UBE2E2: variants seen among roughly 807,000 people sequenced by gnomAD.
The protein encoded by UBE2E2 is ubiquitin-conjugating enzyme E2 E2.
A neutral mutation model predicts 24.7 loss-of-function variants in UBE2E2; 6 were observed. The ratio of observed to expected loss-of-function variants is 0.24; its 90% CI spans 0.13 to 0.48. The LOEUF is 0.48. UBE2E2 is among the 20% of genes least tolerant of loss of function. The pLI is 0.99. For missense variants in UBE2E2, 169 were observed against 245.0 expected (o/e 0.69, Z 2.07); for synonymous variants, 104 against 83.6 (o/e 1.24, Z -1.33).
intron 3 of UBE2E2, among the ~76,000 whole-genome samples, chr3:23,271,950 G>A (rs923131855): frequency 1.3e-5 from 2 of 152,224 alleles, no homozygotes; most frequent in Non-Finnish European, 2.9e-5. Context: ...ACCTGACTCA[G>A]GAGCCCAGCT....
chr3:23,348,399 T>C (rs567004588), intron 3 of UBE2E2, among the ~76,000 whole-genome samples: 3 of 151,962 alleles, frequency 2.0e-5, no homozygotes, highest in Admixed American at 6.6e-5. Flanking sequence ...TTGCTAGGGT[T>C]ACCACCTAGA....
At chr3:23,520,521 A>G (rs1373281956) in intron 4 of UBE2E2, among the ~76,000 whole-genome samples, 1 of 152,238 alleles carries the variant, frequency 6.6e-6, no homozygotes, top group South Asian at 2.1e-4. Flanking sequence ...ATACTCTGCT[A>G]CTTTCAAAGA....
At chr3:23,570,773 A>G (rs982855294) in intron 5 of UBE2E2, among the ~76,000 whole-genome samples, 2 of 152,214 alleles carry the variant, frequency 1.3e-5, no homozygotes, top group African/African-American at 2.4e-5. Flanking sequence ...GTTTTTAGTA[A>G]TGTCATGAGC....
intron 3 of UBE2E2, among the ~76,000 whole-genome samples, chr3:23,372,400 A>G (rs1329983915): frequency 6.6e-6 from 1 of 152,216 alleles, no homozygotes; most frequent in Non-Finnish European, 1.5e-5. Flanking sequence ...AACTGTCATG[A>G]GCTGAAATTT....
rs527568798 is a variant in UBE2E2, at chr3:23,406,370, G to A, written c.228-93238G>A. Among the ~76,000 whole-genome samples the A allele has an allele frequency of 2.6e-4, 39 of 152,112 alleles. 1 individual carries two copies. Among genetic ancestry groups the A allele is most frequent in the Non-Finnish European group, 4.7e-4 (32 of 68,006 alleles). ...TTTCACATACTACTTGTATGACCTC[G>A]AACTGATATGTTTAACTCTTTGACC... On this transcript the variant is annotated intron_variant, in intron 3 of 5. Coordinates refer to ENST00000396703, the MANE Select transcript of UBE2E2 (RefSeq NM_152653.4).
intron 3 of UBE2E2, among the ~76,000 whole-genome samples, chr3:23,253,265 A>T (rs1303239186): frequency 6.6e-6 from 1 of 152,256 alleles, no homozygotes; most frequent in Non-Finnish European, 1.5e-5. Context: ...AATACTCCAC[A>T]AAAAGCAAAC....
chr3:23,494,780 A>G (rs1207147572), intron 3 of UBE2E2, among the ~76,000 whole-genome samples: 2 of 151,582 alleles, frequency 1.3e-5, no homozygotes, highest in Non-Finnish European at 2.9e-5. Flanking sequence ...GCTGGAGTGC[A>G]GTGGCGCAGT....
chr3:23,375,598 T>G (rs991500961), intron 3 of UBE2E2, among the ~76,000 whole-genome samples: 4 of 152,216 alleles, frequency 2.6e-5, no homozygotes, highest in African/African-American at 9.6e-5. Context: ...AGGCATACTC[T>G]TGTAGTTGGG....
At chr3:23,499,563 T>G (rs1699675112) in intron 3 of UBE2E2, 45 bp from the exon 4 acceptor site, 2 of 1,578,242 alleles carry the variant, frequency 1.3e-6, no homozygotes, top group African/African-American at 2.7e-5. Context: ...AATTCCAGCC[T>G]TTATGTAATT....
chr3:23,505,929 AACAGTG>A (rs538559141), intron 4 of UBE2E2, among the ~76,000 whole-genome samples: 2 of 152,252 alleles, frequency 1.3e-5, no homozygotes, highest in Non-Finnish European at 2.9e-5. Flanking sequence ...TACGATAAGA[AACAGTG>A]ATATTCAGCA....
intron 3 of UBE2E2, among the ~76,000 whole-genome samples, chr3:23,234,504 A>T (rs921000576): frequency 6.6e-6 from 1 of 152,160 alleles, no homozygotes; most frequent in Admixed American, 6.5e-5. Context: ...TTAATTTAGA[A>T]AATAGAGCCT....
intron 4 of UBE2E2, among the ~76,000 whole-genome samples, chr3:23,511,184 G>A (rs1694585746): frequency 6.6e-6 from 1 of 152,144 alleles, no homozygotes; most frequent in South Asian, 2.1e-4. Flanking sequence ...CCTTTGTATT[G>A]TAGAATACAT....
intron 3 of UBE2E2, among the ~76,000 whole-genome samples, chr3:23,368,782 CA>C (rs944175850): frequency 5.3e-4 from 80 of 152,134 alleles, no homozygotes; most frequent in African/African-American, 1.8e-3. Context: ...ATTTTCACAA[CA>C]AAAAAGTCAT....
At position 23,424,272 on chromosome 3, in the gene UBE2E2, C is replaced by G. The variant is rs148820718; in HGVS notation, c.228-75336C>G. On this transcript the variant is annotated intron_variant, in intron 3 of 5. Coordinates refer to ENST00000396703, the MANE Select transcript of UBE2E2 (RefSeq NM_152653.4). ...CTGCAGTATAATATTAATGAAAATA[C>G]AGCAGAGACTTGCAGTTACCATGTT... Among the ~76,000 whole-genome samples the G allele has an allele frequency of 3.9e-5, 6 of 152,138 alleles. 1 individual carries two copies. The South Asian group carries it at 6.2e-4, about 16-fold the overall frequency.
At chr3:23,289,750 A>C (rs1698710303) in intron 3 of UBE2E2, among the ~76,000 whole-genome samples, 1 of 152,226 alleles carries the variant, frequency 6.6e-6, no homozygotes, top group African/African-American at 2.4e-5. Flanking sequence ...TCAAGTACTT[A>C]GTTGAACTTA....
At chr3:23,451,158 T>G (rs1575638668) in intron 3 of UBE2E2, among the ~76,000 whole-genome samples, 1 of 152,184 alleles carries the variant, frequency 6.6e-6, no homozygotes, top group African/African-American at 2.4e-5. Flanking sequence ...GAGGCTGAGG[T>G]GGGAGGATCC....
intron 3 of UBE2E2, among the ~76,000 whole-genome samples, chr3:23,250,685 T>C (rs1697551030): frequency 6.6e-6 from 1 of 152,228 alleles, no homozygotes; most frequent in Admixed American, 6.5e-5. Context: ...AAAGTTTCTT[T>C]CCTTATGATA....
At chr3:23,438,644 A>C (rs1186554372) in intron 3 of UBE2E2, among the ~76,000 whole-genome samples, 1 of 152,180 alleles carries the variant, frequency 6.6e-6, no homozygotes, top group Non-Finnish European at 1.5e-5. Flanking sequence ...GTAATAATTA[A>C]AGTATTAATA....
At chr3:23,225,843 A>T (rs1032490844) in intron 3 of UBE2E2, among the ~76,000 whole-genome samples, 1 of 150,830 alleles carries the variant, frequency 6.6e-6, no homozygotes, top group Non-Finnish European at 1.5e-5. Context: ...TCATTTTACT[A>T]CTCATGGGAG....
Sources: gnomAD v4.1 joint callset for allele counts (sites outside exome capture counted in the v4.1 genomes callset) on GRCh38, gnomAD v4.1.1 for gene constraint, MANE v1.5 for transcripts, NCBI Gene and HGNC (gene_info 2026-07-23, HGNC 2026-07-21) for gene names.